Variants in GALNTL6 observed in about 807,000 individuals in gnomAD.
GALNTL6 encodes the protein polypeptide N-acetylgalactosaminyltransferase like 6.
A neutral mutation model predicts 73.7 loss-of-function variants in GALNTL6; 46 were observed. The ratio of observed to expected loss-of-function variants is 0.62; its 90% CI spans 0.49 to 0.80. The LOEUF (loss-of-function observed/expected upper bound fraction) is 0.80, where lower values mean the gene tolerates loss of function less well. Among genes scored for constraint, GALNTL6 ranks in the 30% least tolerant of loss-of-function variants. The pLI, the probability that GALNTL6 is intolerant of heterozygous loss-of-function variation, is 0.00. For synonymous variants in GALNTL6, 259 were observed against 263.7 expected (o/e 0.98, Z 0.17); for missense variants, 604 against 755.0 (o/e 0.80, Z 2.34).
In GALNTL6 at chr4:172,684,180, G is replaced by GTAGCA. The variant is rs1448865968; in HGVS notation, c.554-125180_554-125176dup. On this transcript the variant is annotated intron_variant, in intron 5 of 12. Transcript: ENST00000506823. ...ATCTTTAAAATTAAGAAGTTTGTAT[G>GTAGCA]TAGCAGATAACAGTTGCTCACCTTC... Among the ~76,000 whole-genome samples the GTAGCA allele has an allele frequency of 2.0e-5, 3 of 152,178 alleles. No individual in the cohort carries two copies. The East Asian group carries it at 5.8e-4, about 29-fold the overall frequency.
At chr4:172,306,346 G>A (rs372178835) in intron 3 of GALNTL6, among the ~76,000 whole-genome samples, 70 of 152,172 alleles carry the variant, frequency 4.6e-4, no homozygotes, top group South Asian at 1.0e-3. Context: ...CCGAGATCGC[G>A]CCACTGCACT....
intron 2 of GALNTL6, among the ~76,000 whole-genome samples, chr4:172,095,358 C>A (rs935610685): frequency 6.6e-6 from 1 of 152,030 alleles, no homozygotes; most frequent in African/African-American, 2.4e-5. Context: ...GAGGTCCAGC[C>A]TGTGAGTAAG....
chr4:172,127,186 T>A (rs900010547), intron 2 of GALNTL6, among the ~76,000 whole-genome samples: 1 of 152,184 alleles, frequency 6.6e-6, no homozygotes, highest in Non-Finnish European at 1.5e-5. Flanking sequence ...ACCTTGAGCC[T>A]GCCTACTACA....
rs1365483820 is a variant in GALNTL6, at chr4:172,882,824, G to A, written c.958G>A (p.Asp320Asn). 1.9e-6 allele frequency: 3 copies of A among 1,612,942 alleles called. No homozygotes were observed. Among genetic ancestry groups the A allele is most frequent in the Non-Finnish European group, 2.5e-6 (3 of 1,179,074 alleles). ...TATGGCTGGAGGTCTCTTTGCTGTG[G>A]ATCGGAAATGGTTTTGGGAATTGGG... is the stretch of plus-strand genomic sequence containing the variant. ...PVMAGGLFAV[D>N]RKWFWELGGY... Residue 320 changes from aspartate (D) to asparagine (N), a missense_variant, in exon 8 of 13, where the codon GAT (aspartate) becomes AAT (asparagine). Around this residue, in one of 5 missense-constraint regions of GALNTL6, gnomAD observed 179 missense variants for 230.8 expected, o/e 0.78. Coordinates refer to ENST00000506823, the MANE Select transcript of GALNTL6 (RefSeq NM_001034845.3).
chr4:172,844,119 G>A (rs996390798), intron 7 of GALNTL6, among the ~76,000 whole-genome samples: 10 of 152,164 alleles, frequency 6.6e-5, no homozygotes, highest in Admixed American at 3.9e-4. Context: ...AGGAGACATA[G>A]ATAGAAAAGA....
chr4:171,890,112 A>G (rs1736721513), intron 2 of GALNTL6, among the ~76,000 whole-genome samples: 1 of 152,138 alleles, frequency 6.6e-6, no homozygotes, highest in Admixed American at 6.6e-5. Context: ...GTTTCTGTGT[A>G]CTTACATCCC....
chr4:172,383,091 G>C (rs926467054), intron 5 of GALNTL6, among the ~76,000 whole-genome samples: 2 of 151,922 alleles, frequency 1.3e-5, no homozygotes, highest in Non-Finnish European at 1.5e-5. Flanking sequence ...TTCTTTTTAA[G>C]TGTTACTTTG....
At chr4:172,470,824 G>A (rs532399640) in intron 5 of GALNTL6, among the ~76,000 whole-genome samples, 62 of 152,122 alleles carry the variant, frequency 4.1e-4, no homozygotes, top group East Asian at 5.8e-4. Flanking sequence ...CTTCATACAC[G>A]TATTCGTGTG....
chr4:172,973,210 A>G (rs1750659752), intron 10 of GALNTL6, among the ~76,000 whole-genome samples: 1 of 152,260 alleles, frequency 6.6e-6, no homozygotes, highest in Non-Finnish European at 1.5e-5. Flanking sequence ...AAAATTATCA[A>G]GCTACCATCA....
chr4:172,805,652 T>C (rs1740913634), intron 5 of GALNTL6, among the ~76,000 whole-genome samples: 1 of 152,112 alleles, frequency 6.6e-6, no homozygotes, highest in Admixed American at 6.5e-5. Flanking sequence ...TAAATTTCCT[T>C]GGTGTTATTT....
intron 5 of GALNTL6, among the ~76,000 whole-genome samples, chr4:172,475,985 T>C (rs1447690428): frequency 6.6e-6 from 1 of 152,208 alleles, no homozygotes; most frequent in African/African-American, 2.4e-5. Context: ...ATTTTTTTAG[T>C]GAATTAAAGA....
chr4:172,178,044 G>A (rs1314170946), intron 2 of GALNTL6, among the ~76,000 whole-genome samples: 2 of 151,774 alleles, frequency 1.3e-5, no homozygotes, highest in Admixed American at 1.3e-4. Flanking sequence ...TTTCTATTGA[G>A]ATGTCACATG....
intron 2 of GALNTL6, among the ~76,000 whole-genome samples, chr4:171,987,172 A>C (rs982153366): frequency 2.0e-5 from 3 of 152,136 alleles, no homozygotes; most frequent in African/African-American, 7.2e-5. Context: ...CTGAGAAGGG[A>C]AAGTGGTAAA....
intron 2 of GALNTL6, among the ~76,000 whole-genome samples, chr4:172,005,278 T>A (rs1315401723): frequency 6.6e-6 from 1 of 151,792 alleles, no homozygotes; most frequent in Non-Finnish European, 1.5e-5. Context: ...GTATGCACCA[T>A]CACACCTGGC....
At chr4:172,041,417 T>C (rs1742083340) in intron 2 of GALNTL6, among the ~76,000 whole-genome samples, 1 of 152,064 alleles carries the variant, frequency 6.6e-6, no homozygotes, top group Admixed American at 6.6e-5. Context: ...TTAAAACATA[T>C]TTAAAATTAG....
chr4:172,093,738 T>C (rs1732272942), intron 2 of GALNTL6, among the ~76,000 whole-genome samples: 1 of 152,172 alleles, frequency 6.6e-6, no homozygotes, highest in African/African-American at 2.4e-5. Context: ...GCTTGCACTC[T>C]CCTTGTGAGA....
intron 2 of GALNTL6, among the ~76,000 whole-genome samples, chr4:171,907,879 A>T (rs1268040000): frequency 6.6e-6 from 1 of 152,098 alleles, no homozygotes; most frequent in Non-Finnish European, 1.5e-5. Flanking sequence ...AACCTGAGAA[A>T]AACAAGCAAT....
intron 4 of GALNTL6, among the ~76,000 whole-genome samples, chr4:172,341,400 G>A (rs1241624618): frequency 2.1e-5 from 3 of 139,828 alleles, no homozygotes; most frequent in African/African-American, 8.4e-5. Flanking sequence ...GCAGTGAGCC[G>A]AGATCCCGCC....
intron 5 of GALNTL6, among the ~76,000 whole-genome samples, chr4:172,635,984 TC>T (rs942178002): frequency 6.6e-6 from 1 of 152,182 alleles, no homozygotes; most frequent in Non-Finnish European, 1.5e-5. Flanking sequence ...AAATAAATTT[TC>T]AGTCCACCTT....
Sources: gnomAD v4.1 joint callset for allele counts (sites outside exome capture counted in the v4.1 genomes callset) on GRCh38, gnomAD v4.1.1 for gene constraint, gnomAD v4.1.1 regional missense constraint, MANE v1.5 for transcripts, NCBI Gene and HGNC (gene_info 2026-07-23, HGNC 2026-07-21) for gene names.